ACYP2: variants seen among roughly 807,000 people sequenced by gnomAD.
ACYP2 encodes the protein acylphosphatase-2.
Under a neutral mutation model 11.2 loss-of-function variants are expected in ACYP2, and 12 were observed. The ratio of observed to expected loss-of-function variants is 1.08; its 90% confidence interval spans 0.69 to 1.74. ACYP2 has a LOEUF of 1.74. Among genes scored for constraint, ACYP2 ranks in the 40% most tolerant of loss-of-function variants. The pLI, the probability that ACYP2 is intolerant of heterozygous loss-of-function variation, is 0.00. For synonymous variants in ACYP2, 43 were observed against 32.2 expected, an observed-to-expected ratio of 1.33 and a Z score of -1.13; for missense variants, 134 against 101.9, an observed-to-expected ratio of 1.31 and a Z score of -1.35.
At chr2:54,102,767 T>A (rs1678968834) in intron 4 of ACYP2, among the ~76,000 whole-genome samples, 1 of 152,078 alleles carries the variant, frequency 6.6e-6, no homozygotes, top group African/African-American at 2.4e-5. Context: ...TTGCTTTTTA[T>A]CTTTTGCCCT....
chr2:54,242,045 C>T (rs182017434), intron 6 of ACYP2, among the ~76,000 whole-genome samples: 92 of 152,256 alleles, frequency 6.0e-4, no homozygotes, highest in Admixed American at 1.7e-3. Context: ...GAAATAATAG[C>T]ATATGGGAGA....
At chr2:54,059,480 G>A (rs1676352426) in intron 4 of ACYP2, among the ~76,000 whole-genome samples, 1 of 152,146 alleles carries the variant, frequency 6.6e-6, no homozygotes, top group Admixed American at 6.5e-5. Context: ...CCAAAGTGCT[G>A]GGATTACAGG....
chr2:53,982,134 C>T (rs772627888), intron 2 of ACYP2, among the ~76,000 whole-genome samples: 15 of 152,266 alleles, frequency 9.9e-5, no homozygotes, highest in Middle Eastern at 3.4e-3. Context: ...AGGACGTACA[C>T]TCTTTCCACC....
chr2:54,129,162 A>G (rs1174556305), intron 4 of ACYP2, among the ~76,000 whole-genome samples: 1 of 152,230 alleles, frequency 6.6e-6, no homozygotes, highest in Non-Finnish European at 1.5e-5. Flanking sequence ...TATTATGCAC[A>G]CAACCAAACA....
At chr2:54,103,112 A>G (rs1678985936) in intron 4 of ACYP2, among the ~76,000 whole-genome samples, 1 of 152,188 alleles carries the variant, frequency 6.6e-6, no homozygotes, top group Non-Finnish European at 1.5e-5. Context: ...GAGGGTTTGT[A>G]AAAGACAAAA....
At chr2:54,081,818 G>T (rs56193146) in intron 4 of ACYP2, among the ~76,000 whole-genome samples, 10 of 152,032 alleles carry the variant, frequency 6.6e-5, no homozygotes, top group African/African-American at 2.4e-4. Flanking sequence ...GTGGCCACCT[G>T]GAGGGGTGAC....
chr2:54,092,098 A>G (rs1337408192), intron 4 of ACYP2, among the ~76,000 whole-genome samples: 2 of 152,170 alleles, frequency 1.3e-5, no homozygotes, highest in African/African-American at 4.8e-5. Flanking sequence ...AAGATGAACC[A>G]GGTTTCCAGC....
chr2:54,026,861 A>G (rs1021787826), intron 2 of ACYP2, among the ~76,000 whole-genome samples: 3 of 146,728 alleles, frequency 2.0e-5, no homozygotes, highest in Non-Finnish European at 4.5e-5. Flanking sequence ...AGTTATAAGG[A>G]TGCAAAGGCA....
intron 6 of ACYP2, among the ~76,000 whole-genome samples, chr2:54,180,641 A>T (rs1405864951): frequency 6.6e-6 from 1 of 152,022 alleles, no homozygotes; most frequent in Non-Finnish European, 1.5e-5. Context: ...TGCAGTTTCA[A>T]CCTCCTGGGC....
chr2:54,137,998 C>T (rs544976146), intron 5 of ACYP2, among the ~76,000 whole-genome samples: 1 of 152,206 alleles, frequency 6.6e-6, no homozygotes, highest in East Asian at 1.9e-4. Flanking sequence ...GAAGGTATCT[C>T]ATTGTGGTTT....
chr2:54,144,046 T>C (rs1224802445), intron 6 of ACYP2, among the ~76,000 whole-genome samples: 2 of 152,134 alleles, frequency 1.3e-5, no homozygotes, highest in East Asian at 3.9e-4. Context: ...CACAGCTCAC[T>C]GCAGCCTTGA....
intron 4 of ACYP2, among the ~76,000 whole-genome samples, chr2:54,072,724 G>T (rs1487398741): frequency 6.6e-6 from 1 of 151,854 alleles, no homozygotes; most frequent in Non-Finnish European, 1.5e-5. Context: ...CACTGTGCCA[G>T]GCTAATTTTT....
At chr2:54,279,811 T>A (rs1427095190) in intron 6 of ACYP2, among the ~76,000 whole-genome samples, 1 of 152,198 alleles carries the variant, frequency 6.6e-6, no homozygotes, top group African/African-American at 2.4e-5. Context: ...ATTGTAATCA[T>A]TTGCCTTTCC....
At chr2:54,038,970 G>A (rs568400098) in intron 2 of ACYP2, among the ~76,000 whole-genome samples, 1 of 151,814 alleles carries the variant, frequency 6.6e-6, no homozygotes, top group East Asian at 1.9e-4. Flanking sequence ...TTGAGGGAAG[G>A]AGTTGAGTGA....
intron 4 of ACYP2, among the ~76,000 whole-genome samples, chr2:54,122,268 G>A (rs1161536184): frequency 1.3e-5 from 2 of 152,182 alleles, no homozygotes; most frequent in Non-Finnish European, 2.9e-5. Context: ...AAATATCAGT[G>A]TGTGTTTGTC....
At chr2:54,200,497 A>G (rs1467681277) in intron 6 of ACYP2, among the ~76,000 whole-genome samples, 3 of 152,212 alleles carry the variant, frequency 2.0e-5, no homozygotes, top group Non-Finnish European at 4.4e-5. Context: ...GACATTTCAT[A>G]TAAATGGTAT....
intron 2 of ACYP2, among the ~76,000 whole-genome samples, chr2:53,980,449 G>A (rs1208469599): frequency 6.6e-6 from 1 of 151,860 alleles, no homozygotes; most frequent in Non-Finnish European, 1.5e-5. Context: ...CAGGAGCTGT[G>A]GTTCACACCT....
chr2:54,286,603 C>G lies in ACYP2; in HGVS notation c.405-18085C>G, dbSNP rs560376592. Reference sequence around the variant, plus strand: ...ATATAAAATTGGTAGAAAAGATGATCCGTTTTTACACTACTTTGCTCAACA... The same window carrying G: ...ATATAAAATTGGTAGAAAAGATGATGCGTTTTTACACTACTTTGCTCAACA... On this transcript the variant is annotated intron_variant, in intron 6 of 6. Coordinates refer to ENST00000607452, the MANE Select transcript of ACYP2 (RefSeq NM_001320586.2). Among the ~76,000 whole-genome samples the G allele has an allele frequency of 2.6e-5, 4 of 152,126 alleles. No homozygotes were observed. The South Asian group carries it at 8.3e-4, about 32-fold the overall frequency.
chr2:54,077,486 A>G (rs1677407426), intron 4 of ACYP2, among the ~76,000 whole-genome samples: 1 of 152,248 alleles, frequency 6.6e-6, no homozygotes, highest in African/African-American at 2.4e-5. Flanking sequence ...AAAAATTATC[A>G]GTGCATGCAG....
Sources: gnomAD v4.1 joint callset for allele counts (sites outside exome capture counted in the v4.1 genomes callset) on GRCh38, gnomAD v4.1.1 for gene constraint, MANE v1.5 for transcripts, NCBI Gene and HGNC (gene_info 2026-07-23, HGNC 2026-07-21) for gene names.